Variants in THADA observed in about 807,000 individuals in gnomAD.
The protein encoded by THADA is tRNA (32-2'-O)-methyltransferase regulator THADA.
Under a neutral mutation model 219.8 loss-of-function variants are expected in THADA, and 213 were observed. That is an observed-to-expected ratio of 0.97 (90% CI 0.87 to 1.09). THADA has a LOEUF of 1.09. THADA is among the 50% of genes least tolerant of loss of function. The pLI is 0.00. For missense variants in THADA, 2,956 were observed against 2,311.3 expected (o/e 1.28, Z -5.72); for synonymous variants, 1,018 against 828.9 (o/e 1.23, Z -3.92).
Position 43,528,000 on chromosome 2 carries a change from A to C in THADA, c.3265-12T>G. The C allele has an allele frequency of 6.3e-7, 1 of 1,595,932 alleles. No individual in the cohort carries two copies. The highest frequency in any genetic ancestry group is 1.3e-5 in the African/African-American group (1 of 74,420). On this transcript the variant is annotated splice_polypyrimidine_tract_variant and intron_variant, in intron 21 of 37. Coordinates refer to ENST00000405975, the MANE Select transcript of THADA (RefSeq NM_022065.5). Reference sequence around the variant, plus strand: ...CCTATTTCTTTTACCTTTAAAAAAAAAGCAAAAACAAATGTCCGATTTATG... The same window carrying C: ...CCTATTTCTTTTACCTTTAAAAAAACAGCAAAAACAAATGTCCGATTTATG...
At chr2:43,242,342 T>C (rs974627188) in intron 36 of THADA, among the ~76,000 whole-genome samples, 2 of 152,248 alleles carry the variant, frequency 1.3e-5, no homozygotes, top group African/African-American at 2.4e-5. Flanking sequence ...TCTAGGTAGA[T>C]AGAATTATTG....
chr2:43,500,285 G>T (rs534410122), intron 24 of THADA, among the ~76,000 whole-genome samples: 1 of 152,202 alleles, frequency 6.6e-6, no homozygotes, highest in East Asian at 1.9e-4. Context: ...AAGAGAGCAA[G>T]AGGGGGCTTT....
rs951780761 is a variant in THADA at position 43,576,957 on chromosome 2, T to C, written c.1037+65A>G. 3.5e-6 allele frequency: 5 copies of C among 1,439,156 alleles called. No homozygotes were observed. In the South Asian group the frequency reaches 3.8e-5, roughly 11 times the overall value. The allele number at this position is 1,439,156 out of a possible 1,614,324, so 89.1% of individuals were successfully genotyped here. A position where few individuals can be genotyped will look rare whatever the true frequency, so the allele number is the denominator to read the frequency against. ...TAGAGGCACAAGCCACTCCAGCTTTTGGACTGCATCTTCTAAATGTCTTAC... is the reference window on the plus strand; with the variant it reads ...TAGAGGCACAAGCCACTCCAGCTTTCGGACTGCATCTTCTAAATGTCTTAC... On this transcript the variant is annotated intron_variant, in intron 10 of 37. Coordinates refer to ENST00000405975, the MANE Select transcript of THADA (RefSeq NM_022065.5).
At chr2:43,323,642 C>T (rs927564944) in intron 30 of THADA, among the ~76,000 whole-genome samples, 6 of 152,136 alleles carry the variant, frequency 3.9e-5, no homozygotes, top group Admixed American at 1.3e-4. Context: ...GCACAGGAGA[C>T]GGCTACTGAC....
At chr2:43,502,207 C>A (rs902415487) in intron 24 of THADA, among the ~76,000 whole-genome samples, 1 of 152,064 alleles carries the variant, frequency 6.6e-6, no homozygotes, top group African/African-American at 2.4e-5. Context: ...AGAGCAAGAT[C>A]CTATCAGTAA....
At chr2:43,530,295 G>C (rs1397783532) in intron 21 of THADA, among the ~76,000 whole-genome samples, 1 of 152,136 alleles carries the variant, frequency 6.6e-6, no homozygotes, top group Non-Finnish European at 1.5e-5. Flanking sequence ...GCCACAGTCA[G>C]GTAAGCCTTA....
intron 28 of THADA, among the ~76,000 whole-genome samples, chr2:43,426,150 T>G (rs1678394828): frequency 6.6e-6 from 1 of 152,218 alleles, no homozygotes; most frequent in African/African-American, 2.4e-5. Flanking sequence ...TCTATATTAA[T>G]GCAATCTTTG....
chr2:43,587,907 C>T (rs984052173), intron 4 of THADA, among the ~76,000 whole-genome samples: 2 of 152,142 alleles, frequency 1.3e-5, no homozygotes, highest in Non-Finnish European at 2.9e-5. Flanking sequence ...AATTTATATA[C>T]ATCAAAACTG....
chr2:43,473,637 G>A lies in THADA; in HGVS notation c.3836+11597C>T, dbSNP rs112411882. Among the ~76,000 whole-genome samples the A allele has an allele frequency of 3.4e-3, 520 of 151,548 alleles. 2 individuals carry two copies. Among genetic ancestry groups the A allele is most frequent in the African/African-American group, 0.012 (503 of 41,292 alleles). On this transcript the variant is annotated intron_variant, in intron 26 of 37. Transcript: ENST00000405975. Reference sequence around the variant, plus strand: ...GTTAGGCTTTTTTTTTTGAGACAGAGTCTCACTCTCACCCAGGCTGGAGTG... The same window carrying A: ...GTTAGGCTTTTTTTTTTGAGACAGAATCTCACTCTCACCCAGGCTGGAGTG...
intron 15 of THADA, chr2:43,565,000 T>A (rs1484219039): frequency 6.6e-6 from 1 of 152,222 alleles, no homozygotes; most frequent in Non-Finnish European, 1.5e-5. Flanking sequence ...GGCCATTTGT[T>A]GGGACAATTG....
intron 36 of THADA, among the ~76,000 whole-genome samples, chr2:43,278,358 G>T (rs1004413130): frequency 2.6e-5 from 4 of 152,176 alleles, no homozygotes; most frequent in African/African-American, 9.7e-5. Context: ...TAAAGAAAAA[G>T]ATCTATATTT....
At chr2:43,379,637 G>C (rs939725695) in intron 29 of THADA, among the ~76,000 whole-genome samples, 3 of 152,184 alleles carry the variant, frequency 2.0e-5, no homozygotes, top group Admixed American at 6.5e-5. Context: ...AAGATAGCCA[G>C]TTTCTTAAAA....
intron 30 of THADA, among the ~76,000 whole-genome samples, chr2:43,331,617 C>A (rs746699334): frequency 7.9e-5 from 12 of 152,140 alleles, no homozygotes; most frequent in Non-Finnish European, 1.3e-4. Context: ...AGCTTGATCT[C>A]CTCACTGGCC....
At position 43,320,443 on chromosome 2, in the gene THADA, T is replaced by C. The variant is rs776862980; in HGVS notation, c.4438+3A>G. 1.7e-5 allele frequency: 28 copies of C among 1,608,726 alleles called. No individual in the cohort carries two copies. In the East Asian group the frequency reaches 3.3e-4, roughly 19 times the overall value. On this transcript the variant is annotated splice_donor_region_variant and intron_variant, in intron 31 of 37. Coordinates refer to ENST00000405975, the MANE Select transcript of THADA (RefSeq NM_022065.5). ...CAAAATACAGTATAACTATGAATCA[T>C]ACCTGGCTGGTTGTCCTTTGCAGAT...
intron 26 of THADA, among the ~76,000 whole-genome samples, chr2:43,433,270 C>T (rs1314042827): frequency 1.3e-5 from 2 of 151,972 alleles, no homozygotes; most frequent in African/African-American, 4.8e-5. Flanking sequence ...TGGCTCACAC[C>T]TGTAATCCCA....
At chr2:43,538,648 AAC>A (rs1162748222) in intron 21 of THADA, 2 of 152,226 alleles carry the variant, frequency 1.3e-5, no homozygotes, top group African/African-American at 4.8e-5. Context: ...GCCATGTCAG[AAC>A]ACAGGCTGGC....
intron 22 of THADA, among the ~76,000 whole-genome samples, chr2:43,514,323 T>C (rs1256832078): frequency 1.3e-5 from 2 of 150,288 alleles, no homozygotes; most frequent in African/African-American, 4.9e-5. Context: ...TGGTGGCACT[T>C]GCCTGTAGTC....
At chr2:43,462,454 AC>A in intron 26 of THADA, among the ~76,000 whole-genome samples, 1 of 152,350 alleles carries the variant, frequency 6.6e-6, no homozygotes, top group East Asian at 1.9e-4. Context: ...GTTTAAAAAA[AC>A]AGGGGAGGCT....
chr2:43,425,463 T>C (rs1326342898), intron 28 of THADA, among the ~76,000 whole-genome samples: 2 of 151,138 alleles, frequency 1.3e-5, no homozygotes, highest in African/African-American at 4.9e-5. Context: ...TGTGTGTGTG[T>C]GTGTGTGTGT....
Sources: gnomAD v4.1 joint callset for allele counts (sites outside exome capture counted in the v4.1 genomes callset) on GRCh38, gnomAD v4.1.1 for gene constraint, MANE v1.5 for transcripts, NCBI Gene and HGNC (gene_info 2026-07-23, HGNC 2026-07-21) for gene names.